Variants in TMEM236 observed in about 807,000 individuals in gnomAD.
TMEM236 encodes the protein family with sequence similarity 23, member A.
In TMEM236, 11 loss-of-function variants were observed where a neutral mutation model predicts 14.7. The ratio of observed to expected loss-of-function variants is 0.75; its 90% CI spans 0.47 to 1.24. The LOEUF (loss-of-function observed/expected upper bound fraction) is 1.24, where lower values mean the gene tolerates loss of function less well. Ranked by LOEUF, TMEM236 falls within the 50% of genes most tolerant of loss-of-function variation. TMEM236 has a pLI of 0.00. For synonymous variants in TMEM236, 182 were observed against 168.6 expected, an observed-to-expected ratio of 1.08 and a Z score of -0.62; for missense variants, 464 against 427.3, an observed-to-expected ratio of 1.09 and a Z score of -0.76.
Position 17,798,742 on chromosome 10 carries a change from G to A in TMEM236, c.*2238G>A. On this transcript the variant is annotated 3_prime_UTR_variant, in exon 4 of 4. Transcript: ENST00000377495. ...CCTCTGTGGGTCCCCGTTTCCACATGTAAAAGATGAACATAATACTAGTAC... is the reference window on the plus strand; with the variant it reads ...CCTCTGTGGGTCCCCGTTTCCACATATAAAAGATGAACATAATACTAGTAC... 1 of 530,500 alleles carries A rather than the reference G, an allele frequency of 1.9e-6. No individual in the cohort carries two copies. The highest frequency in any genetic ancestry group is 3.2e-4 in the Middle Eastern group (1 of 3,136). The allele number at this position is 530,500 out of a possible 1,614,324, so 32.9% of individuals were successfully genotyped here.
rs1837223970 is a variant in TMEM236, at chr10:17,752,500, G to T, written c.205G>T (p.Val69Leu). ...ALVTLLIWVP[V>L]KVILHKKRYI... ...AGTGACTCTACTGATCTGGGTTCCT[G>T]TAAAAGTTATCCTGCACAAGAAACG... Residue 69 changes from valine to leucine, a missense_variant, in exon 1 of 4, where the codon GTA (valine) becomes TTA (leucine). Val to Leu is a conservative substitution (Grantham distance 32). Transcript: ENST00000377495. 7.4e-6 allele frequency: 12 copies of T among 1,613,936 alleles called. No homozygotes were observed. The highest frequency in any genetic ancestry group is 8.5e-6 in the Non-Finnish European group (10 of 1,179,868).
chr10:17,783,602 T>A (rs1837789120), intron 3 of TMEM236, among the ~76,000 whole-genome samples: 2 of 152,260 alleles, frequency 1.3e-5, no homozygotes, highest in East Asian at 3.9e-4. Context: ...TTTCCTTAGG[T>A]CAAATGTTCA....
chr10:17,764,837 C>CTTTTTTTTT lies in TMEM236; in HGVS notation c.258-6467_258-6459dup, dbSNP rs1238545582. Among the ~76,000 whole-genome samples the CTTTTTTTTT allele has an allele frequency of 3.2e-3, 414 of 127,392 alleles. 30 individuals are homozygous for CTTTTTTTTT. Among genetic ancestry groups the CTTTTTTTTT allele is most frequent in the South Asian group, 0.021 (77 of 3,722 alleles). The allele number at this position is 127,392 out of a possible 152,430, so 83.6% of individuals were successfully genotyped here. A position where few individuals can be genotyped will look rare whatever the true frequency, so the allele number is the denominator to read the frequency against. On this transcript the variant is annotated intron_variant, in intron 1 of 3. Coordinates refer to ENST00000377495, the MANE Select transcript of TMEM236 (RefSeq NM_001098844.3). ...CTGCATGTCTGTTTTCAGATTTTCC[C>CTTTTTTTTT]TTTTTTTTTTTTTGAGACGGGGTCT...
chr10:17,789,947 C>G (rs1837898252), intron 3 of TMEM236, among the ~76,000 whole-genome samples: 1 of 152,100 alleles, frequency 6.6e-6, no homozygotes, highest in Non-Finnish European at 1.5e-5. Flanking sequence ...AGGCATGAAC[C>G]CGGGAGGCGG....
intron 3 of TMEM236, among the ~76,000 whole-genome samples, chr10:17,793,135 A>G (rs1554836171): frequency 1.3e-5 from 2 of 152,222 alleles, no homozygotes; most frequent in African/African-American, 4.8e-5. Flanking sequence ...TATGAAGTTC[A>G]CAGACCTAAT....
intron 1 of TMEM236, among the ~76,000 whole-genome samples, chr10:17,756,489 T>C (rs1837286241): frequency 1.1e-4 from 17 of 152,224 alleles, no homozygotes. Context: ...AGAGATGGAT[T>C]TTCCCCATGT....
At position 17,799,999 on chromosome 10, in the gene TMEM236, C is replaced by T. The variant is rs1012918979; in HGVS notation, c.*3495C>T. ...ATAGATATTACAGCAAATTACACTG[C>T]GAAAACATTGATAGTTCTACACTGT... On this transcript the variant is annotated 3_prime_UTR_variant, in exon 4 of 4. Transcript: ENST00000377495. The T allele has an allele frequency of 1.1e-4, 16 of 151,976 alleles. No homozygotes were observed. Among genetic ancestry groups the T allele is most frequent in the African/African-American group, 2.4e-4 (10 of 41,282 alleles). 9.4% of individuals were successfully genotyped at this position (151,976 alleles called of 1,614,324 possible).
chr10:17,798,367 T>C lies in TMEM236; in HGVS notation c.*1863T>C, dbSNP rs1838048427. 8.4e-6 allele frequency: 3 copies of C among 358,714 alleles called. No homozygotes were observed. The highest frequency in any genetic ancestry group is 1.6e-5 in the Non-Finnish European group (3 of 184,150). 22.2% of individuals were successfully genotyped at this position (358,714 alleles called of 1,614,324 possible). ...CAGCCTGGGCAACATGGAGAGATTC[T>C]ACCTCTACAAAAAATACAAAAATTA... On this transcript the variant is annotated 3_prime_UTR_variant, in exon 4 of 4. Coordinates refer to ENST00000377495, the MANE Select transcript of TMEM236 (RefSeq NM_001098844.3).
At position 17,752,337 on chromosome 10, in the gene TMEM236, C is replaced by G; in HGVS notation, c.42C>G (p.Leu14=). The change falls in exon 1 of 4, where the codon CTC becomes CTG. Residue 14 remains leucine (L), a synonymous_variant. Coordinates refer to ENST00000377495, the MANE Select transcript of TMEM236 (RefSeq NM_001098844.3). ...GRLIKFVVFE[L]LEFAAFSIPT... is the part of the protein sequence containing the mutation. ...TCATTAAGTTCGTGGTTTTTGAGCT[C>G]CTAGAGTTTGCCGCTTTCTCCATCC... 1 of 1,613,764 alleles carries G rather than the reference C, an allele frequency of 6.2e-7. No individual in the cohort carries two copies. The highest frequency in any genetic ancestry group is 1.7e-5 in the Admixed American group (1 of 59,990).
At chr10:17,759,630 A>C (rs904427901) in intron 1 of TMEM236, among the ~76,000 whole-genome samples, 4 of 152,218 alleles carry the variant, frequency 2.6e-5, no homozygotes, top group Non-Finnish European at 5.9e-5. Flanking sequence ...GCATAATTTT[A>C]AACACATTGT....
At position 17,796,461 on chromosome 10, in the gene TMEM236, C is replaced by T; in HGVS notation, c.1013C>T (p.Thr338Ile). The change falls in exon 4 of 4, where the codon ACC (threonine) becomes ATC (isoleucine). Residue 338 changes from threonine to isoleucine, a missense_variant. Coordinates refer to ENST00000377495, the MANE Select transcript of TMEM236 (RefSeq NM_001098844.3). Reference protein sequence around the residue: ...TLSYIYFNYLTRIRIFSAFEM... With the variant: ...TLSYIYFNYLIRIRIFSAFEM... ...TCTTACATTTACTTCAATTACCTAA[C>T]CAGAATCAGGATTTTTTCTGCCTTT... 2 of 1,613,610 alleles carry T rather than the reference C, an allele frequency of 1.2e-6. No individual in the cohort carries two copies. Among genetic ancestry groups the T allele is most frequent in the Non-Finnish European group, 1.7e-6 (2 of 1,179,788 alleles).
chr10:17,781,139 A>G lies in TMEM236; in HGVS notation c.472+4969A>G, dbSNP rs1702585333. 5.9e-5 allele frequency among the ~76,000 whole-genome samples: 9 copies of G among 152,280 alleles called. No homozygotes were observed. The South Asian group carries it at 1.9e-3, about 32-fold the overall frequency. On this transcript the variant is annotated intron_variant, in intron 3 of 3. Transcript: ENST00000377495. ...TTTTCCTATTGGCACAGCTGCCAGC[A>G]TTCACCTGTACACGCTTCCAGCTTG...
chr10:17,785,825 T>G (rs1000799422), intron 3 of TMEM236, among the ~76,000 whole-genome samples: 1 of 152,060 alleles, frequency 6.6e-6, no homozygotes, highest in African/African-American at 2.4e-5. Flanking sequence ...GTTCTAGGAT[T>G]TTTTTTCCTC....
chr10:17,769,502 G>A (rs1837531809), intron 1 of TMEM236, among the ~76,000 whole-genome samples: 1 of 152,218 alleles, frequency 6.6e-6, no homozygotes, highest in African/African-American at 2.4e-5. Context: ...AGATAATATA[G>A]ATAAAGAACA....
intron 1 of TMEM236, among the ~76,000 whole-genome samples, chr10:17,759,908 G>A (rs961071785): frequency 1.3e-5 from 2 of 150,182 alleles, no homozygotes; most frequent in Admixed American, 6.7e-5. Flanking sequence ...GCGTGAACCC[G>A]GGAGGCGGAG....
At position 17,796,062 on chromosome 10, in the gene TMEM236, C is replaced by A; in HGVS notation, c.614C>A (p.Thr205Lys). Residue 205 changes from threonine (T) to lysine (K), a missense_variant, in exon 4 of 4, where the codon ACA (threonine) becomes AAA (lysine). By Grantham distance (78) the Thr-to-Lys change is moderately conservative. Transcript: ENST00000377495. ...GTGTCGCAGCCATCAGGAGCCATGA[C>A]ACGGAGCCAGGAGTCTGTGTTCATG... ...TQVSQPSGAM[T>K]RSQESVFMGP... 6.2e-7 allele frequency: 1 copy of A among 1,613,928 alleles called. No homozygotes were observed. Among genetic ancestry groups the A allele is most frequent in the Non-Finnish European group, 8.5e-7 (1 of 1,179,860 alleles).
chr10:17,795,897 T>C, intron 3 of TMEM236, 24 bp from the exon 4 acceptor site: 3 of 1,610,768 alleles, frequency 1.9e-6, no homozygotes, highest in Non-Finnish European at 1.7e-6. Context: ...AAAACTAAAA[T>C]GTAAATAAAT....
At chr10:17,767,566 T>A (rs1460390709) in intron 1 of TMEM236, among the ~76,000 whole-genome samples, 2 of 152,214 alleles carry the variant, frequency 1.3e-5, no homozygotes, top group Non-Finnish European at 2.9e-5. Flanking sequence ...TGTATTTATT[T>A]ATTAATGAGT....
In TMEM236 at chr10:17,789,760, C is replaced by T. The variant is rs550387179; in HGVS notation, c.473-6161C>T. ...AGCCAGGGCCGGGCACGGTGGCTCA[C>T]GCCTGTAATCGCAGCACTCTGGGAG... On this transcript the variant is annotated intron_variant, in intron 3 of 3. Transcript: ENST00000377495. 2.2e-3 allele frequency among the ~76,000 whole-genome samples: 335 copies of T among 152,142 alleles called. 1 individual carries two copies. Among genetic ancestry groups the T allele is most frequent in the African/African-American group, 7.5e-3 (310 of 41,510 alleles).
Sources: allele counts gnomAD v4.1 joint callset (sites outside exome capture counted in the v4.1 genomes callset), GRCh38; gene constraint gnomAD v4.1.1; transcripts MANE v1.5; gene names NCBI Gene and HGNC (gene_info 2026-07-23, HGNC 2026-07-21).